Variants in LRRC8C observed in about 807,000 individuals in gnomAD.
LRRC8C encodes leucine rich repeat containing 8 VRAC subunit C, also known as volume-regulated anion channel subunit LRRC8C.
A neutral mutation model predicts 55.3 loss-of-function variants in LRRC8C; 20 were observed. The ratio of observed to expected loss-of-function variants is 0.36; its 90% CI spans 0.25 to 0.53. The LOEUF (loss-of-function observed/expected upper bound fraction) is 0.53. LRRC8C is among the 20% of genes least tolerant of loss of function. The pLI is 0.92. For missense variants in LRRC8C, 659 were observed against 951.4 expected, an observed-to-expected ratio of 0.69 and a Z score of 4.04; for synonymous variants, 376 against 360.7, an observed-to-expected ratio of 1.04 and a Z score of -0.48.
At chr1:89,680,329 G>A (rs1047985957) in intron 1 of LRRC8C, among the ~76,000 whole-genome samples, 3 of 151,998 alleles carry the variant, frequency 2.0e-5, no homozygotes, top group East Asian at 1.9e-4. Context: ...CGCCCACCTC[G>A]GCCTCCCAAA....
At chr1:89,703,262 A>G (rs1658382072) in intron 2 of LRRC8C, among the ~76,000 whole-genome samples, 1 of 152,240 alleles carries the variant, frequency 6.6e-6, no homozygotes, top group Non-Finnish European at 1.5e-5. Context: ...CAGAAAAAAT[A>G]TAAGCCAGGG....
intron 1 of LRRC8C, 56 bp downstream of exon 1, chr1:89,633,378 C>T (rs1025182656): frequency 6.6e-6 from 1 of 152,428 alleles, no homozygotes; most frequent in Non-Finnish European, 1.5e-5. Flanking sequence ...GAGGGCCACC[C>T]GCTCGGTCCG....
chr1:89,630,489 A>G (rs1656078128), upstream of LRRC8C, among the ~76,000 whole-genome samples: 1 of 152,254 alleles, frequency 6.6e-6, no homozygotes, highest in Admixed American at 6.5e-5. Flanking sequence ...TAGTGTGAGA[A>G]CTACTAACTC....
upstream of LRRC8C, among the ~76,000 whole-genome samples, chr1:89,631,346 G>T (rs962106266): frequency 2.0e-5 from 3 of 152,106 alleles, no homozygotes; most frequent in African/African-American, 7.2e-5. Context: ...CAAAGTCTAA[G>T]GTTCAATGAT....
At chr1:89,636,005 C>A (rs1656269242) in intron 1 of LRRC8C, among the ~76,000 whole-genome samples, 1 of 152,212 alleles carries the variant, frequency 6.6e-6, no homozygotes, top group Admixed American at 6.5e-5. Context: ...AACTATAAAT[C>A]ATTCTGGTTT....
intron 2 of LRRC8C, among the ~76,000 whole-genome samples, chr1:89,707,332 G>A (rs1009735457): frequency 3.9e-5 from 6 of 152,008 alleles, no homozygotes; most frequent in African/African-American, 9.7e-5. Context: ...ACTTGAACCC[G>A]GGAGGCGGAG....
intron 2 of LRRC8C, among the ~76,000 whole-genome samples, chr1:89,692,820 CAT>C (rs1286794922): frequency 1.3e-5 from 2 of 152,204 alleles, no homozygotes; most frequent in Non-Finnish European, 2.9e-5. Context: ...AAACTCAACA[CAT>C]TCAACAAAAT....
rs142660266 is a variant in LRRC8C, at chr1:89,706,028, A to G, written c.139-6681A>G. 7.2e-5 allele frequency among the ~76,000 whole-genome samples: 11 copies of G among 152,248 alleles called. No individual in the cohort carries two copies. The East Asian group carries it at 2.1e-3, about 29-fold the overall frequency. On this transcript the variant is annotated intron_variant, in intron 2 of 2. Coordinates refer to ENST00000370454, the MANE Select transcript of LRRC8C (RefSeq NM_032270.5). Reference sequence around the variant, plus strand: ...ATACTACTAGGGTTGTTTTTCCTGTATCTACGTAATCTGATGATAAAGTTT... The same window carrying G: ...ATACTACTAGGGTTGTTTTTCCTGTGTCTACGTAATCTGATGATAAAGTTT...
chr1:89,698,735 A>G (rs976840878), intron 2 of LRRC8C, among the ~76,000 whole-genome samples: 3 of 151,388 alleles, frequency 2.0e-5, no homozygotes, highest in African/African-American at 7.3e-5. Flanking sequence ...CCAAGGTATG[A>G]TTTTTTTTTC....
intron 2 of LRRC8C, among the ~76,000 whole-genome samples, chr1:89,692,285 T>C (rs899635779): frequency 6.6e-6 from 1 of 152,224 alleles, no homozygotes; most frequent in Non-Finnish European, 1.5e-5. Flanking sequence ...AACTCCTATA[T>C]TGGAATACAT....
intron 1 of LRRC8C, among the ~76,000 whole-genome samples, chr1:89,657,909 G>C (rs1458421871): frequency 6.6e-6 from 1 of 152,158 alleles, no homozygotes; most frequent in Non-Finnish European, 1.5e-5. Context: ...GATAAGACGT[G>C]TCATTAATGT....
intron 1 of LRRC8C, among the ~76,000 whole-genome samples, chr1:89,636,660 T>C (rs1328522451): frequency 2.0e-5 from 3 of 151,802 alleles, no homozygotes; most frequent in African/African-American, 7.3e-5. Flanking sequence ...GCTGAAATTC[T>C]GCATCTCCTA....
chr1:89,633,774 C>T (rs1348414567), intron 1 of LRRC8C, among the ~76,000 whole-genome samples: 1 of 152,170 alleles, frequency 6.6e-6, no homozygotes, highest in Non-Finnish European at 1.5e-5. Flanking sequence ...TTGAAGTTAG[C>T]ACTTTTGGGC....
chr1:89,682,824 G>T (rs1657757237), intron 1 of LRRC8C, among the ~76,000 whole-genome samples: 1 of 152,236 alleles, frequency 6.6e-6, no homozygotes, highest in Non-Finnish European at 1.5e-5. Flanking sequence ...CACTTCTGCT[G>T]CATTCCAAAG....
At chr1:89,683,809 CT>C (rs1300248545) in intron 1 of LRRC8C, among the ~76,000 whole-genome samples, 1 of 152,148 alleles carries the variant, frequency 6.6e-6, no homozygotes, top group Admixed American at 6.5e-5. Context: ...AACCACATGT[CT>C]TTGTGAGGCC....
At chr1:89,648,162 G>A (rs910006253) in intron 1 of LRRC8C, among the ~76,000 whole-genome samples, 1 of 152,068 alleles carries the variant, frequency 6.6e-6, no homozygotes, top group South Asian at 2.1e-4. Context: ...TTTATAAATC[G>A]AATACATAGG....
At chr1:89,685,182 A>C (rs1030724763) in intron 1 of LRRC8C, among the ~76,000 whole-genome samples, 5 of 144,512 alleles carry the variant, frequency 3.5e-5, no homozygotes, top group African/African-American at 1.0e-4. Context: ...GCAGTGGCGC[A>C]ATCTCGGCTC....
chr1:89,682,405 C>T (rs1224555878), intron 1 of LRRC8C, among the ~76,000 whole-genome samples: 1 of 152,118 alleles, frequency 6.6e-6, no homozygotes, highest in African/African-American at 2.4e-5. Flanking sequence ...GAGAACCTCA[C>T]CTGTTGTGAG....
chr1:89,659,059 T>TG (rs1166669262), intron 1 of LRRC8C, among the ~76,000 whole-genome samples: 14 of 59,250 alleles, frequency 2.4e-4, no homozygotes, highest in African/African-American at 8.6e-4. Context: ...TTTTTTTTTT[T>TG]TTTGTGTGTG....
Sources: gnomAD v4.1 joint callset for allele counts (sites outside exome capture counted in the v4.1 genomes callset) on GRCh38, gnomAD v4.1.1 for gene constraint, MANE v1.5 for transcripts, NCBI Gene and HGNC (gene_info 2026-07-23, HGNC 2026-07-21) for gene names.